IGF1R: variants seen among roughly 807,000 people sequenced by gnomAD.
IGF1R encodes insulin like growth factor 1 receptor.
A neutral mutation model predicts 144.6 loss-of-function variants in IGF1R; 44 were observed. The observed-to-expected ratio is 0.30, with a 90% CI of 0.24 to 0.39. IGF1R has a LOEUF of 0.39. Among genes scored for constraint, IGF1R ranks in the 10% least tolerant of loss-of-function variants. The pLI, the probability that IGF1R is intolerant of heterozygous loss-of-function variation, is 1.00. For synonymous variants in IGF1R, 795 were observed against 722.8 expected (o/e 1.10, Z -1.60); for missense variants, 1,355 against 1,833.7 (o/e 0.74, Z 4.77).
At chr15:98,699,700 C>A (rs147016202) in intron 1 of IGF1R, among the ~76,000 whole-genome samples, 2 of 152,250 alleles carry the variant, frequency 1.3e-5, no homozygotes, top group East Asian at 3.9e-4. Flanking sequence ...AAACATCTCA[C>A]CCATCTTAGT....
intron 2 of IGF1R, among the ~76,000 whole-genome samples, chr15:98,799,649 G>A (rs889882473): frequency 6.6e-6 from 1 of 152,176 alleles, no homozygotes; most frequent in Non-Finnish European, 1.5e-5. Flanking sequence ...ATGGGGGACC[G>A]AGTGTGGTAG....
At chr15:98,700,068 G>A (rs572125024) in intron 1 of IGF1R, among the ~76,000 whole-genome samples, 19 of 152,274 alleles carry the variant, frequency 1.2e-4, no homozygotes, top group Non-Finnish European at 2.5e-4. Context: ...AAATTCTACT[G>A]TAATAAACTG....
chr15:98,915,885 G>A (rs2015221442), intron 8 of IGF1R, 79 bp from the exon 9 acceptor site: 4 of 1,348,808 alleles, frequency 3.0e-6, no homozygotes, highest in Non-Finnish European at 3.2e-6. Flanking sequence ...GCAGTTTCCT[G>A]TTGGCTTGCC....
intron 2 of IGF1R, among the ~76,000 whole-genome samples, chr15:98,745,850 C>T (rs1033563699): frequency 4.6e-5 from 7 of 152,306 alleles, no homozygotes; most frequent in African/African-American, 1.4e-4. Flanking sequence ...GGCAAATTGG[C>T]GTTATAAATG....
intron 1 of IGF1R, among the ~76,000 whole-genome samples, chr15:98,698,462 T>G (rs2053648915): frequency 6.6e-6 from 1 of 152,228 alleles, no homozygotes; most frequent in Admixed American, 6.5e-5. Flanking sequence ...TCCCATTCTC[T>G]CCTACCACAG....
chr15:98,713,540 A>G (rs916685794), intron 2 of IGF1R, among the ~76,000 whole-genome samples: 1 of 152,094 alleles, frequency 6.6e-6, no homozygotes, highest in Admixed American at 6.5e-5. Flanking sequence ...GCCAAAGATG[A>G]TGGAGAAGTA....
chr15:98,752,336 G>T (rs2055032485), intron 2 of IGF1R, among the ~76,000 whole-genome samples: 1 of 152,124 alleles, frequency 6.6e-6, no homozygotes, highest in South Asian at 2.1e-4. Flanking sequence ...GCTGTCTGGG[G>T]AGTCGTTTTC....
chr15:98,909,032 T>C, intron 6 of IGF1R, 133 bp downstream of exon 6: 2 of 768,656 alleles, frequency 2.6e-6, no homozygotes, highest in Non-Finnish European at 4.6e-6. Flanking sequence ...CCATCTTAAC[T>C]AGCACTTTGC....
At chr15:98,928,197 G>C (rs1287901444) in intron 13 of IGF1R, among the ~76,000 whole-genome samples, 1 of 152,118 alleles carries the variant, frequency 6.6e-6, no homozygotes, top group African/African-American at 2.4e-5. Context: ...TGGGGGGATG[G>C]TATGAGCTGT....
At chr15:98,809,398 G>A (rs1466968298) in intron 2 of IGF1R, among the ~76,000 whole-genome samples, 3 of 152,158 alleles carry the variant, frequency 2.0e-5, no homozygotes, top group South Asian at 2.1e-4. Context: ...TGGGAGAGAC[G>A]CCATGGAGTC....
At chr15:98,726,217 A>G (rs1217064191) in intron 2 of IGF1R, among the ~76,000 whole-genome samples, 1 of 152,230 alleles carries the variant, frequency 6.6e-6, no homozygotes, top group African/African-American at 2.4e-5. Flanking sequence ...TAACTTGTGC[A>G]AGGTGCCATG....
intron 2 of IGF1R, among the ~76,000 whole-genome samples, chr15:98,836,239 A>C (rs192018234): frequency 6.6e-6 from 1 of 152,122 alleles, no homozygotes; most frequent in Non-Finnish European, 1.5e-5. Flanking sequence ...CTTACAAAAA[A>C]GTTGAAAAAG....
At chr15:98,956,263 C>T (rs1023171843) in intron 20 of IGF1R, among the ~76,000 whole-genome samples, 3 of 152,230 alleles carry the variant, frequency 2.0e-5, no homozygotes, top group African/African-American at 7.2e-5. Flanking sequence ...CCAGCCGATG[C>T]GACCGACACA....
intron 1 of IGF1R, among the ~76,000 whole-genome samples, chr15:98,698,038 CTTT>C (rs57604161): frequency 3.0e-5 from 4 of 133,448 alleles, no homozygotes; most frequent in Non-Finnish European, 3.2e-5. Context: ...CCTGGCCTTC[CTTT>C]TTTTTTTTTT....
intron 3 of IGF1R, among the ~76,000 whole-genome samples, chr15:98,895,402 T>C (rs1488053114): frequency 2.1e-5 from 3 of 144,188 alleles, no homozygotes; most frequent in Non-Finnish European, 3.0e-5. Flanking sequence ...TCTATAATTA[T>C]TTTAAAATAA....
intron 20 of IGF1R, among the ~76,000 whole-genome samples, chr15:98,950,823 C>A (rs143990738): frequency 6.6e-6 from 1 of 152,174 alleles, no homozygotes; most frequent in East Asian, 1.9e-4. Flanking sequence ...CCAGGGGCAA[C>A]GATCTTGGGG....
chr15:98,707,478 A>G lies in IGF1R; in HGVS notation c.95-84A>G. ...CTTTAATAATAATACAGGATTCCTG[A>G]AAACCAACTGTATTATTGTTTGGAA... On this transcript the variant is annotated intron_variant, in intron 1 of 20. Transcript: ENST00000650285. The surrounding 1 kb of genome is among the most constrained non-coding windows in gnomAD (Gnocchi z 6.7). 1.5e-6 allele frequency: 2 copies of G among 1,343,386 alleles called. No homozygotes were observed. Among genetic ancestry groups the G allele is most frequent in the Non-Finnish European group, 2.1e-6 (2 of 956,288 alleles). The allele number at this position is 1,343,386 out of a possible 1,614,324, so 83.2% of individuals were successfully genotyped here.
At chr15:98,687,045 T>C (rs2053346847) in intron 1 of IGF1R, among the ~76,000 whole-genome samples, 1 of 152,092 alleles carries the variant, frequency 6.6e-6, no homozygotes, top group Non-Finnish European at 1.5e-5. Context: ...TGAAAAAACC[T>C]AAAGGTTTTG....
Position 98,960,654 on chromosome 15 carries a change from A to G in IGF1R, c.*3212A>G, listed in dbSNP as rs1356553486. On this transcript the variant is annotated 3_prime_UTR_variant, in exon 21 of 21. Coordinates refer to ENST00000650285, the MANE Select transcript of IGF1R (RefSeq NM_000875.5). ...AGGACCGTGCGGCCATGGCTGCTGC[A>G]TTCATTGAGCACAAAGGTGCAGCTG... 1 of 233,246 alleles carries G rather than the reference A, an allele frequency of 4.3e-6. No homozygotes were observed. Among genetic ancestry groups the G allele is most frequent in the Non-Finnish European group, 8.5e-6 (1 of 118,116 alleles). The allele number at this position is 233,246 out of a possible 1,614,324, so 14.4% of individuals were successfully genotyped here.
Sources: allele counts gnomAD v4.1 joint callset (sites outside exome capture counted in the v4.1 genomes callset), GRCh38; gene constraint gnomAD v4.1.1; non-coding constraint Gnocchi (gnomAD v3.1); transcripts MANE v1.5; gene names NCBI Gene and HGNC (gene_info 2026-07-23, HGNC 2026-07-21).